CALN1: variants seen among roughly 807,000 people sequenced by gnomAD.
CALN1 encodes calneuron 1.
A neutral mutation model predicts 30.6 loss-of-function variants in CALN1; 17 were observed. The observed-to-expected ratio is 0.56, with a 90% CI of 0.38 to 0.83. The LOEUF (loss-of-function observed/expected upper bound fraction) is 0.83, where lower values mean the gene tolerates loss of function less well. Among genes scored for constraint, CALN1 ranks in the 40% least tolerant of loss-of-function variants. The pLI is 0.00. For synonymous variants in CALN1, 156 were observed against 131.4 expected, an observed-to-expected ratio of 1.19 and a Z score of -1.28; for missense variants, 291 against 354.9, an observed-to-expected ratio of 0.82 and a Z score of 1.45.
chr7:71,847,844 A>AATG, intron 5 of CALN1, among the ~76,000 whole-genome samples: 2 of 84,764 alleles, frequency 2.4e-5, no homozygotes, highest in Admixed American at 2.7e-4. Context: ...GGAGAAGGAG[A>AATG]AGGAGAAGAA....
chr7:71,990,749 A>C (rs1798904358), intron 5 of CALN1, among the ~76,000 whole-genome samples: 1 of 152,134 alleles, frequency 6.6e-6, no homozygotes, highest in South Asian at 2.1e-4. Flanking sequence ...CACCACGCCC[A>C]GCCTATTCCC....
At chr7:72,056,888 C>T (rs1340139909) in intron 4 of CALN1, among the ~76,000 whole-genome samples, 1 of 152,058 alleles carries the variant, frequency 6.6e-6, no homozygotes, top group African/African-American at 2.4e-5. Flanking sequence ...CAATAGTGAG[C>T]TAGCATTTTC....
chr7:71,787,545 A>G lies in CALN1; in HGVS notation c.*230T>C. ...AAATCCTGGCGATTTATTGCATTAG[A>G]AAACAAAACCATTAAAGCACTGAAG... is the stretch of plus-strand genomic sequence containing the variant. On this transcript the variant is annotated 3_prime_UTR_variant, in exon 7 of 7. Transcript: ENST00000395275. 4.3e-6 allele frequency: 2 copies of G among 468,474 alleles called. No homozygotes were observed. Among genetic ancestry groups the G allele is most frequent in the Non-Finnish European group, 7.5e-6 (2 of 266,244 alleles). The allele number at this position is 468,474 out of a possible 1,614,324, so 29.0% of individuals were successfully genotyped here.
chr7:72,293,355 G>T (rs959404584), intron 2 of CALN1, among the ~76,000 whole-genome samples: 7 of 152,134 alleles, frequency 4.6e-5, no homozygotes, highest in African/African-American at 1.7e-4. Context: ...TAAAAGGAGA[G>T]ATGGAAAGGC....
At chr7:71,935,656 A>C (rs1241482911) in intron 5 of CALN1, among the ~76,000 whole-genome samples, 1 of 152,114 alleles carries the variant, frequency 6.6e-6, no homozygotes, top group Non-Finnish European at 1.5e-5. Flanking sequence ...CCGGGAGGAG[A>C]AGTTGCGGTG....
At chr7:71,907,529 G>C (rs1447377872) in intron 5 of CALN1, among the ~76,000 whole-genome samples, 1 of 152,126 alleles carries the variant, frequency 6.6e-6, no homozygotes, top group Non-Finnish European at 1.5e-5. Context: ...AAAAAGACCT[G>C]GATTCCAATT....
At chr7:71,941,730 C>T (rs542031594) in intron 5 of CALN1, among the ~76,000 whole-genome samples, 1 of 152,254 alleles carries the variant, frequency 6.6e-6, no homozygotes, top group East Asian at 1.9e-4. Flanking sequence ...ATCATCATGC[C>T]AGAAATCAAT....
chr7:72,174,559 A>G (rs1244940631), intron 3 of CALN1, among the ~76,000 whole-genome samples: 1 of 152,210 alleles, frequency 6.6e-6, no homozygotes, highest in African/African-American at 2.4e-5. Context: ...ACACCATAGA[A>G]TATCACCCAA....
chr7:72,120,606 T>C (rs1193880192), intron 3 of CALN1, among the ~76,000 whole-genome samples: 1 of 152,204 alleles, frequency 6.6e-6, no homozygotes, highest in Non-Finnish European at 1.5e-5. Context: ...AGTCACTTAA[T>C]ACACATTGCC....
At chr7:71,886,768 C>T (rs1295362244) in intron 5 of CALN1, among the ~76,000 whole-genome samples, 1 of 130,170 alleles carries the variant, frequency 7.7e-6, no homozygotes, top group Non-Finnish European at 1.6e-5. Flanking sequence ...AGTGAGACTC[C>T]ATCTCAAAAA....
At chr7:72,068,292 T>C (rs1421780669) in intron 4 of CALN1, among the ~76,000 whole-genome samples, 2 of 152,246 alleles carry the variant, frequency 1.3e-5, no homozygotes, top group Admixed American at 6.5e-5. Context: ...CTATTCTTAA[T>C]TTTAGATGAG....
chr7:71,873,462 C>T (rs925713510), intron 5 of CALN1, among the ~76,000 whole-genome samples: 4 of 152,138 alleles, frequency 2.6e-5, no homozygotes, highest in African/African-American at 9.7e-5. Context: ...AGGTTTGAAA[C>T]CTAAAGCCAT....
chr7:71,820,063 A>G (rs536095786), intron 5 of CALN1, among the ~76,000 whole-genome samples: 1 of 152,368 alleles, frequency 6.6e-6, no homozygotes, highest in South Asian at 2.1e-4. Context: ...ACTAACATTA[A>G]AACAGAGTAA....
intron 3 of CALN1, among the ~76,000 whole-genome samples, chr7:72,268,713 C>A (rs752792372): frequency 6.6e-5 from 10 of 151,806 alleles, no homozygotes; most frequent in Non-Finnish European, 8.8e-5. Context: ...AGGAGAATCA[C>A]TTCAGCCCAG....
upstream of CALN1, among the ~76,000 whole-genome samples, chr7:72,450,404 C>T (rs948653358): frequency 6.6e-6 from 1 of 152,148 alleles, no homozygotes; most frequent in Non-Finnish European, 1.5e-5. Flanking sequence ...CCAGAGCCCC[C>T]CGACCCCCAG....
At chr7:72,099,052 C>T (rs901324918) in intron 4 of CALN1, among the ~76,000 whole-genome samples, 1 of 152,182 alleles carries the variant, frequency 6.6e-6, no homozygotes, top group Non-Finnish European at 1.5e-5. Flanking sequence ...AGGCGAATTC[C>T]AGCCGGGCCT....
At chr7:71,846,856 ATATATGTATG>A (rs1790276827) in intron 5 of CALN1, among the ~76,000 whole-genome samples, 2 of 145,862 alleles carry the variant, frequency 1.4e-5, no homozygotes, top group Non-Finnish European at 3.0e-5. Flanking sequence ...TTATATATGT[ATATATGTATG>A]TATATATAAT....
At chr7:72,265,921 C>T (rs1291800744) in intron 3 of CALN1, among the ~76,000 whole-genome samples, 1 of 151,934 alleles carries the variant, frequency 6.6e-6, no homozygotes, top group Non-Finnish European at 1.5e-5. Flanking sequence ...ATCATTTGAG[C>T]CTAGGAGTTC....
At chr7:71,803,385 A>C (rs951442810) in intron 6 of CALN1, among the ~76,000 whole-genome samples, 1 of 152,150 alleles carries the variant, frequency 6.6e-6, no homozygotes, top group African/African-American at 2.4e-5. Flanking sequence ...GGGTTTCTGT[A>C]GGGAATTCCT....
Sources: allele counts gnomAD v4.1 joint callset (sites outside exome capture counted in the v4.1 genomes callset), GRCh38; gene constraint gnomAD v4.1.1; transcripts MANE v1.5; gene names NCBI Gene and HGNC (gene_info 2026-07-23, HGNC 2026-07-21).